Variants in VAC14 observed in about 807,000 individuals in gnomAD.
The protein encoded by VAC14 is protein VAC14 homolog.
A neutral mutation model predicts 85.3 loss-of-function variants in VAC14; 47 were observed. The ratio of observed to expected loss-of-function variants is 0.55; its 90% confidence interval spans 0.44 to 0.70. The LOEUF is 0.70. VAC14 is among the 30% of genes least tolerant of loss of function. The pLI is 0.00. For synonymous variants in VAC14, 447 were observed against 430.5 expected (o/e 1.04, Z -0.47); for missense variants, 861 against 1,004.3 (o/e 0.86, Z 1.93).
chr16:70,725,146 G>C (rs1229207043), intron 14 of VAC14, among the ~76,000 whole-genome samples: 1 of 152,236 alleles, frequency 6.6e-6, no homozygotes, highest in Non-Finnish European at 1.5e-5. Context: ...CAGCACAATG[G>C]GCTTCTGGGG....
chr16:70,729,535 C>A (rs987972328), intron 14 of VAC14, among the ~76,000 whole-genome samples: 24 of 152,150 alleles, frequency 1.6e-4, no homozygotes, highest in Non-Finnish European at 2.2e-4. Flanking sequence ...AGCATTCAGG[C>A]TCCTGCAGCG....
chr16:70,731,689 C>A (rs537413807), intron 13 of VAC14, 62 bp from the exon 14 acceptor site: 5 of 1,557,530 alleles, frequency 3.2e-6, no homozygotes, highest in Admixed American at 1.8e-5. Context: ...GTGATGAGAT[C>A]CACACAGAAT....
chr16:70,693,522 G>A (rs1025077623), intron 17 of VAC14, among the ~76,000 whole-genome samples: 3 of 152,236 alleles, frequency 2.0e-5, no homozygotes, highest in African/African-American at 2.4e-5. Context: ...GCCCCGGAGC[G>A]TCTGGGAGGT....
chr16:70,755,170 G>A (rs770088032), intron 12 of VAC14: 15 of 309,560 alleles, frequency 4.8e-5, no homozygotes, highest in South Asian at 1.2e-4. Context: ...CGGCCTCAGC[G>A]CTTCTGGGAG....
chr16:70,701,400 C>T (rs897268921), intron 14 of VAC14, among the ~76,000 whole-genome samples: 3 of 152,270 alleles, frequency 2.0e-5, no homozygotes, highest in Non-Finnish European at 2.9e-5. Flanking sequence ...TCTCAGTAAA[C>T]GGTGGCACTG....
chr16:70,754,609 CA>C (rs1440902978), intron 12 of VAC14, among the ~76,000 whole-genome samples: 2 of 152,126 alleles, frequency 1.3e-5, no homozygotes, highest in Non-Finnish European at 2.9e-5. Flanking sequence ...ACGGCAGGGC[CA>C]GGGGAGGGTG....
intron 12 of VAC14, among the ~76,000 whole-genome samples, chr16:70,745,699 C>G (rs1029609088): frequency 6.6e-6 from 1 of 152,194 alleles, no homozygotes; most frequent in Non-Finnish European, 1.5e-5. Flanking sequence ...CCTGTCCCCC[C>G]AAAAGGTGTA....
At position 70,751,452 on chromosome 16, in the gene VAC14, A is replaced by G. The variant is rs150841482; in HGVS notation, c.1372-6873T>C. 6.0e-3 allele frequency among the ~76,000 whole-genome samples: 910 copies of G among 152,362 alleles called. 2 individuals carry two copies. Among genetic ancestry groups the G allele is most frequent in the Admixed American group, 0.012 (191 of 15,308 alleles). On this transcript the variant is annotated intron_variant, in intron 12 of 18. Coordinates refer to ENST00000261776, the MANE Select transcript of VAC14 (RefSeq NM_018052.5). ...CAGGGCCTTGCCTGAAATCTGGGTC[A>G]GGTCCAGCAGCTACTTCTTCTGAGG...
chr16:70,733,239 G>C (rs1267054383), intron 13 of VAC14, among the ~76,000 whole-genome samples: 1 of 152,154 alleles, frequency 6.6e-6, no homozygotes, highest in East Asian at 1.9e-4. Context: ...CTAAGCAGTA[G>C]GTGGCTTTTT....
intron 12 of VAC14, among the ~76,000 whole-genome samples, chr16:70,760,962 GGTGTGTGTGTGTGTGTGTGTGTGTGTGT>G (rs10671938): frequency 1.1e-4 from 5 of 47,602 alleles, no homozygotes; most frequent in Non-Finnish European, 1.6e-4. Context: ...ACGAAGAGAG[GGTGTGTGTGTGTGTGTGTGTGTGTGTGT>G]GTGTGTGTGT....
rs913446932 is a variant in VAC14 at position 70,786,088 on chromosome 16, C to A, written c.255+127G>T. 5 of 1,467,144 alleles carry A rather than the reference C, an allele frequency of 3.4e-6. No individual in the cohort carries two copies. In the South Asian group the frequency reaches 5.2e-5, roughly 15 times the overall value. The allele number at this position is 1,467,144 out of a possible 1,614,324, so 90.9% of individuals were successfully genotyped here. A position where few individuals can be genotyped will look rare whatever the true frequency, so the allele number is the denominator to read the frequency against. On this transcript the variant is annotated intron_variant, in intron 2 of 18. Transcript: ENST00000261776. ...AAGCCAGCCTTGCTGGTCTCAGGTG[C>A]GGACAGAGTGGTAATAAAACATAGG...
Position 70,762,636 on chromosome 16 carries a change from A to G in VAC14, c.1306-31T>C. 1 of 1,611,180 alleles carries G rather than the reference A, an allele frequency of 6.2e-7. No individual in the cohort carries two copies. Among genetic ancestry groups the G allele is most frequent in the Non-Finnish European group, 8.5e-7 (1 of 1,177,840 alleles). ...GGGCAGAGAAGCAGGGGTGCCCGTG[A>G]GTGCTCCCTTCGCCCCGGGACTACG... On this transcript the variant is annotated intron_variant, in intron 11 of 18. Coordinates refer to ENST00000261776, the MANE Select transcript of VAC14 (RefSeq NM_018052.5). This position sits in a 1 kb window ranked among gnomAD's most constrained non-coding sequence, Gnocchi z 4.1.
chr16:70,689,907 C>G, intron 18 of VAC14: 2 of 985,514 alleles, frequency 2.0e-6, no homozygotes, highest in Non-Finnish European at 2.4e-6. Context: ...GCTTGCAGCC[C>G]TAAGTCCAGG....
At chr16:70,792,498 G>C (rs1167107202) in intron 1 of VAC14, among the ~76,000 whole-genome samples, 1 of 152,254 alleles carries the variant, frequency 6.6e-6, no homozygotes, top group African/African-American at 2.4e-5. Context: ...CCTGGCTGGA[G>C]AGGTGTCCTC....
chr16:70,724,253 T>A (rs1451086977), intron 14 of VAC14, among the ~76,000 whole-genome samples: 1 of 152,180 alleles, frequency 6.6e-6, no homozygotes, highest in African/African-American at 2.4e-5. Context: ...CATCCCTTGT[T>A]ACAGGGAGTG....
chr16:70,697,339 C>T (rs1045674764), intron 15 of VAC14, 82 bp from the exon 16 acceptor site: 22 of 1,192,806 alleles, frequency 1.8e-5, no homozygotes, highest in Non-Finnish European at 2.7e-5. Flanking sequence ...GAGGGAAGGG[C>T]CACAGGTCTA....
chr16:70,703,679 C>T (rs1044362201), intron 14 of VAC14, among the ~76,000 whole-genome samples: 2 of 152,232 alleles, frequency 1.3e-5, no homozygotes, highest in Non-Finnish European at 1.5e-5. Flanking sequence ...GCTGCTCCCC[C>T]TTCCAGGTCT....
chr16:70,742,407 C>CTCCA (rs2030418938), intron 13 of VAC14, among the ~76,000 whole-genome samples: 1 of 152,200 alleles, frequency 6.6e-6, no homozygotes, highest in South Asian at 2.1e-4. Flanking sequence ...GGCCCCCACA[C>CTCCA]TCCACCTCTG....
chr16:70,753,301 TCTGGGCTCAC>T (rs1361133322), intron 12 of VAC14, among the ~76,000 whole-genome samples: 2 of 152,276 alleles, frequency 1.3e-5, no homozygotes, highest in Non-Finnish European at 1.5e-5. Flanking sequence ...CCTCTACATC[TCTGGGCTCAC>T]CTGGGCTCAC....
Sources: gnomAD v4.1 joint callset for allele counts (sites outside exome capture counted in the v4.1 genomes callset) on GRCh38, gnomAD v4.1.1 for gene constraint, Gnocchi (gnomAD v3.1) non-coding constraint, MANE v1.5 for transcripts, NCBI Gene and HGNC (gene_info 2026-07-23, HGNC 2026-07-21) for gene names.